RNF144B: variants seen among roughly 807,000 people sequenced by gnomAD.
RNF144B encodes ring finger protein 144B.
RNF144B carries 25 observed loss-of-function variants against 40.2 expected under a neutral mutation model. The ratio of observed to expected loss-of-function variants is 0.62; its 90% CI spans 0.45 to 0.87. The LOEUF is 0.87. Among genes scored for constraint, RNF144B ranks in the 40% least tolerant of loss-of-function variants. The probability of loss-of-function intolerance (pLI) is 0.00; values close to 1 mark genes in which losing one functional copy is unlikely to be tolerated. For missense variants in RNF144B, 365 were observed against 373.7 expected, an observed-to-expected ratio of 0.98 and a Z score of 0.19; for synonymous variants, 145 against 136.3, an observed-to-expected ratio of 1.06 and a Z score of -0.44.
rs1434597074 is a variant in RNF144B, at chr6:18,442,166, T to G, written c.331+2422T>G. ...CCCAGATAGTGGTTGGCTTTTTGAC[T>G]TTTCAGTAGTATTCAAACCTGCTTG... On this transcript the variant is annotated intron_variant, in intron 4 of 7. Transcript: ENST00000259939. This position sits in a 1 kb window ranked among gnomAD's most constrained non-coding sequence, Gnocchi z 4.3. 6.6e-6 allele frequency among the ~76,000 whole-genome samples: 1 copy of G among 152,200 alleles called. No homozygotes were observed. The highest frequency in any genetic ancestry group is 2.4e-5 in the African/African-American group (1 of 41,424).
Position 18,465,273 on chromosome 6 carries a change from A to G in RNF144B, c.*206A>G, listed in dbSNP as rs764845293. On this transcript the variant is annotated 3_prime_UTR_variant, in exon 8 of 8. Transcript: ENST00000259939. ...TCCTGTGTAACAAGAACTGGGCTCA[A>G]CGGTCCAGCTGTTTCTATGGAGCTT... 2 of 586,754 alleles carry G rather than the reference A, an allele frequency of 3.4e-6. No homozygotes were observed. Among genetic ancestry groups the G allele is most frequent in the South Asian group, 2.2e-5 (1 of 45,738 alleles). The allele number at this position is 586,754 out of a possible 1,614,324, so 36.3% of individuals were successfully genotyped here. A position where few individuals can be genotyped will look rare whatever the true frequency, so the allele number is the denominator to read the frequency against.
At position 18,458,507 on chromosome 6, in the gene RNF144B, C is replaced by A. The variant is rs547972000; in HGVS notation, c.537-1100C>A. 3.3e-5 allele frequency among the ~76,000 whole-genome samples: 5 copies of A among 152,240 alleles called. No individual in the cohort carries two copies. The East Asian group carries it at 9.7e-4, about 29-fold the overall frequency. ...AGCTAATACACATGGCAGGCATGTG[C>A]CCTCTTAGCCGGATTCAAACCACTG... On this transcript the variant is annotated intron_variant, in intron 5 of 7. Transcript: ENST00000259939. This position sits in a 1 kb window ranked among gnomAD's most constrained non-coding sequence, Gnocchi z 4.8.
At chr6:18,402,715 T>C (rs1351522728) in intron 2 of RNF144B, among the ~76,000 whole-genome samples, 3 of 152,222 alleles carry the variant, frequency 2.0e-5, no homozygotes, top group Admixed American at 2.0e-4. Flanking sequence ...CTTTAAATTA[T>C]TTCATGTAGG....
rs1337447041 is a variant in RNF144B at position 18,446,995 on chromosome 6, G to T, written c.331+7251G>T. Among the ~76,000 whole-genome samples, 1 of 151,934 alleles carries T rather than the reference G, an allele frequency of 6.6e-6. No individual in the cohort carries two copies. Among genetic ancestry groups the T allele is most frequent in the African/African-American group, 2.4e-5 (1 of 41,324 alleles). ...TGAGAAATCCTTTCCCAGCTGATGG[G>T]GAATACAGTGATCATCAGGACAAAA... On this transcript the variant is annotated intron_variant, in intron 4 of 7. Coordinates refer to ENST00000259939, the MANE Select transcript of RNF144B (RefSeq NM_182757.4). The surrounding 1 kb of genome is among the most constrained non-coding windows in gnomAD (Gnocchi z 4.7).
chr6:18,407,556 A>AG (rs1794938175), intron 2 of RNF144B, among the ~76,000 whole-genome samples: 2 of 152,222 alleles, frequency 1.3e-5, no homozygotes, highest in South Asian at 4.1e-4. Context: ...GACATACCAT[A>AG]GTACTGACTA....
At chr6:18,462,380 A>G (rs1204996294) in intron 6 of RNF144B, among the ~76,000 whole-genome samples, 1 of 152,164 alleles carries the variant, frequency 6.6e-6, no homozygotes, top group Non-Finnish European at 1.5e-5. Flanking sequence ...CATTTCAGTG[A>G]TACCACCTCT....
In RNF144B at chr6:18,443,922, T is replaced by C. The variant is rs1759020067; in HGVS notation, c.331+4178T>C. 6.6e-6 allele frequency among the ~76,000 whole-genome samples: 1 copy of C among 152,200 alleles called. No homozygotes were observed. Among genetic ancestry groups the C allele is most frequent in the Admixed American group, 6.5e-5 (1 of 15,282 alleles). On this transcript the variant is annotated intron_variant, in intron 4 of 7. Transcript: ENST00000259939. This position sits in a 1 kb window ranked among gnomAD's most constrained non-coding sequence, Gnocchi z 4.7. ...ACTAACCAACTGAAAGAAAATCTCA[T>C]TGGCTGGACTGTGAGACAGAATTGT...
At chr6:18,397,862 A>G (rs997164930) in intron 1 of RNF144B, among the ~76,000 whole-genome samples, 2 of 152,122 alleles carry the variant, frequency 1.3e-5, no homozygotes, top group African/African-American at 4.8e-5. Flanking sequence ...GCCATGTACA[A>G]GCTCTGAGAA....
rs146337533 is a variant in RNF144B at position 18,421,123 on chromosome 6, C to T, written c.166-6458C>T. 6.2e-4 allele frequency among the ~76,000 whole-genome samples: 94 copies of T among 151,720 alleles called. No individual in the cohort carries two copies. In the East Asian group the frequency reaches 0.017, roughly 28 times the overall value. ...TACAAAATAGCCTGGCATGGTGGTGCGCACCTGTGGTCCCAGCTACTCAGA... is the reference window on the plus strand; with the variant it reads ...TACAAAATAGCCTGGCATGGTGGTGTGCACCTGTGGTCCCAGCTACTCAGA... On this transcript the variant is annotated intron_variant, in intron 2 of 7. Coordinates refer to ENST00000259939, the MANE Select transcript of RNF144B (RefSeq NM_182757.4).
rs70974744 is a variant in RNF144B, at chr6:18,446,840, G to GGTGTGTGTGTGTGTGTGT, written c.331+7113_331+7130dup. 1.6e-4 allele frequency among the ~76,000 whole-genome samples: 23 copies of GGTGTGTGTGTGTGTGTGT among 147,998 alleles called. No individual in the cohort carries two copies. Among genetic ancestry groups the GGTGTGTGTGTGTGTGTGT allele is most frequent in the African/African-American group, 5.2e-4 (21 of 40,006 alleles). Reference sequence around the variant, plus strand: ...TAAAGTTTTATTGGTTCTATTTTAGGGTGTGTGTGTGTGTGTGTGTGTGTG... The same window carrying GGTGTGTGTGTGTGTGTGT: ...TAAAGTTTTATTGGTTCTATTTTAGGGTGTGTGTGTGTGTGTGTGTGTGTGTGTGTGTGTGTGTGTGTG... On this transcript the variant is annotated intron_variant, in intron 4 of 7. Transcript: ENST00000259939. The surrounding 1 kb of genome is among the most constrained non-coding windows in gnomAD (Gnocchi z 4.7).
rs915380407 is a variant in RNF144B, at chr6:18,464,782, C to T, written c.772-145C>T. The T allele has an allele frequency of 4.2e-5, 32 of 770,130 alleles. No homozygotes were observed. The highest frequency in any genetic ancestry group is 1.9e-4 in the Admixed American group (7 of 36,802). The allele number at this position is 770,130 out of a possible 1,614,324, so 47.7% of individuals were successfully genotyped here. On this transcript the variant is annotated intron_variant, in intron 7 of 7. Transcript: ENST00000259939. This position sits in a 1 kb window ranked among gnomAD's most constrained non-coding sequence, Gnocchi z 6.1. ...TTCTAAAGGCCTCGTCTCCAAATAC[C>T]GTCACATCGGGGATTTAGGGTTTCA...
intron 2 of RNF144B, among the ~76,000 whole-genome samples, chr6:18,409,554 G>T (rs1794991346): frequency 2.5e-5 from 3 of 120,052 alleles, no homozygotes; most frequent in Non-Finnish European, 3.5e-5. Flanking sequence ...AACTTCACTT[G>T]CATAACCTTT....
At chr6:18,436,214 C>G (rs1758821074) in intron 3 of RNF144B, among the ~76,000 whole-genome samples, 1 of 152,106 alleles carries the variant, frequency 6.6e-6, no homozygotes, top group South Asian at 2.1e-4. Context: ...TAGGGGAACA[C>G]TGTACAAATA....
intron 2 of RNF144B, among the ~76,000 whole-genome samples, chr6:18,421,265 A>C (rs1758409896): frequency 7.3e-6 from 1 of 136,886 alleles, no homozygotes; most frequent in African/African-American, 3.0e-5. Flanking sequence ...AAAAAAAATT[A>C]TATATTATAC....
intron 4 of RNF144B, among the ~76,000 whole-genome samples, chr6:18,453,068 T>C (rs983677682): frequency 6.6e-6 from 1 of 151,084 alleles, no homozygotes; most frequent in African/African-American, 2.4e-5. Flanking sequence ...ATTACAGGAG[T>C]GAGCCACTGT....
chr6:18,410,456 G>T lies in RNF144B; in HGVS notation c.165+10757G>T, dbSNP rs1464881160. Among the ~76,000 whole-genome samples the T allele has an allele frequency of 2.0e-5, 3 of 152,198 alleles. No homozygotes were observed. Among genetic ancestry groups the T allele is most frequent in the Non-Finnish European group, 4.4e-5 (3 of 68,038 alleles). Reference sequence around the variant, plus strand: ...GGAGGTAGGAGGTTTCCTAAGGGCTGAGACTGAAAGATAATAGGGATTGCT... The same window carrying T: ...GGAGGTAGGAGGTTTCCTAAGGGCTTAGACTGAAAGATAATAGGGATTGCT... On this transcript the variant is annotated intron_variant, in intron 2 of 7. Transcript: ENST00000259939. This position sits in a 1 kb window ranked among gnomAD's most constrained non-coding sequence, Gnocchi z 4.6.
At chr6:18,424,129 A>G (rs1002686653) in intron 2 of RNF144B, among the ~76,000 whole-genome samples, 19 of 152,056 alleles carry the variant, frequency 1.2e-4, no homozygotes, top group African/African-American at 4.1e-4. Context: ...ATTGTTAACC[A>G]TTTACCTGTG....
intron 3 of RNF144B, among the ~76,000 whole-genome samples, chr6:18,439,007 T>C (rs1758888579): frequency 6.6e-6 from 1 of 152,166 alleles, no homozygotes; most frequent in South Asian, 2.1e-4. Flanking sequence ...AATAACTAAT[T>C]TGAAATGTCA....
intron 7 of RNF144B, 99 bp downstream of exon 7, chr6:18,463,479 C>A: frequency 1.3e-6 from 1 of 743,224 alleles, no homozygotes; most frequent in East Asian, 2.6e-5. Context: ...CTGGGAGGTA[C>A]CATCCCAGCC....
Sources: allele counts gnomAD v4.1 joint callset (sites outside exome capture counted in the v4.1 genomes callset), GRCh38; gene constraint gnomAD v4.1.1; non-coding constraint Gnocchi (gnomAD v3.1); transcripts MANE v1.5; gene names NCBI Gene and HGNC (gene_info 2026-07-23, HGNC 2026-07-21).